The following CAMK4 variants were observed in gnomAD, a reference collection of about 807,000 sequenced individuals.
CAMK4 encodes calcium/calmodulin-dependent protein kinase type IV.
In CAMK4, 22 loss-of-function variants were observed where a neutral mutation model predicts 44.9. That is an observed-to-expected ratio of 0.49 (90% CI 0.35 to 0.70). The LOEUF is 0.70. CAMK4 is among the 30% of genes least tolerant of loss of function. The pLI is 0.01. For missense variants in CAMK4, 498 were observed against 586.8 expected, an observed-to-expected ratio of 0.85 and a Z score of 1.56; for synonymous variants, 218 against 215.4, an observed-to-expected ratio of 1.01 and a Z score of -0.11.
intron 5 of CAMK4, among the ~76,000 whole-genome samples, chr5:111,443,514 A>G (rs1328070506): frequency 1.3e-5 from 2 of 151,578 alleles, no homozygotes; most frequent in Non-Finnish European, 2.9e-5. Context: ...TTGGTAGTGT[A>G]TAGCTCCTCG....
At chr5:111,418,140 G>A (rs564855087) in intron 5 of CAMK4, among the ~76,000 whole-genome samples, 1 of 152,050 alleles carries the variant, frequency 6.6e-6, no homozygotes, top group African/African-American at 2.4e-5. Flanking sequence ...AGAAATAAAG[G>A]GACAGAGTAC....
intron 1 of CAMK4, among the ~76,000 whole-genome samples, chr5:111,309,143 C>A (rs150449650): frequency 9.2e-5 from 14 of 152,300 alleles, no homozygotes; most frequent in East Asian, 3.9e-4. Context: ...TGCTAGCTGA[C>A]GGTCCAGGGC....
intron 1 of CAMK4, among the ~76,000 whole-genome samples, chr5:111,229,608 C>T (rs1203889349): frequency 1.3e-5 from 2 of 152,144 alleles, no homozygotes; most frequent in Non-Finnish European, 2.9e-5. Flanking sequence ...CTTCTTAGAT[C>T]CTTGATTTTT....
rs1010687309 is a variant in CAMK4, at chr5:111,250,515, C to G, written c.161+25871C>G. Among the ~76,000 whole-genome samples, 3 of 152,140 alleles carry G rather than the reference C, an allele frequency of 2.0e-5. 1 individual carries two copies. Among genetic ancestry groups the G allele is most frequent in the Non-Finnish European group, 2.9e-5 (2 of 68,026 alleles). On this transcript the variant is annotated intron_variant, in intron 1 of 10. Coordinates refer to ENST00000282356, the MANE Select transcript of CAMK4 (RefSeq NM_001744.6). ...TGCCTATGGGCTCATTATATGTGGA[C>G]TTTGTATTTCTAGAAGAATGCTGAC... is the stretch of plus-strand genomic sequence containing the variant.
chr5:111,248,955 G>T (rs763649480), intron 1 of CAMK4, among the ~76,000 whole-genome samples: 5 of 150,060 alleles, frequency 3.3e-5, no homozygotes, highest in African/African-American at 9.8e-5. Context: ...ACTTCCTATT[G>T]CGGGGGCGGT....
At chr5:111,232,653 G>A (rs548371101) in intron 1 of CAMK4, among the ~76,000 whole-genome samples, 3 of 152,048 alleles carry the variant, frequency 2.0e-5, no homozygotes, top group Non-Finnish European at 2.9e-5. Context: ...AGAGAAAAAC[G>A]TCAGCTATAG....
chr5:111,435,482 G>C (rs1753613278), intron 5 of CAMK4, among the ~76,000 whole-genome samples: 1 of 152,108 alleles, frequency 6.6e-6, no homozygotes, highest in Non-Finnish European at 1.5e-5. Context: ...CTCTTTGCCT[G>C]AGGATGGAGT....
intron 5 of CAMK4, among the ~76,000 whole-genome samples, chr5:111,429,672 AGG>A (rs1185143386): frequency 6.8e-6 from 1 of 147,182 alleles, no homozygotes; most frequent in Non-Finnish European, 1.5e-5. Context: ...GCTACTCAGG[AGG>A]CTGAGGTGGG....
chr5:111,347,744 T>C (rs1483593364), intron 2 of CAMK4, among the ~76,000 whole-genome samples: 6 of 151,982 alleles, frequency 3.9e-5, no homozygotes, highest in African/African-American at 1.4e-4. Context: ...TATGACCTAA[T>C]CTTAATTAAA....
rs1326777581 is a variant in CAMK4 at position 111,486,273 on chromosome 5, CAGA to C, written c.*1811_*1813del. ...CCTGAAGAAGCACATCATCTGGGCT[CAGA>C]AGATTATTTTTTGTTTTGTTTTATT... On this transcript the variant is annotated 3_prime_UTR_variant, in exon 11 of 11. Coordinates refer to ENST00000282356, the MANE Select transcript of CAMK4 (RefSeq NM_001744.6). 3.9e-5 allele frequency: 6 copies of C among 151,932 alleles called. No homozygotes were observed. The highest frequency in any genetic ancestry group is 8.8e-5 in the Non-Finnish European group (6 of 67,994). 9.4% of individuals were successfully genotyped at this position (151,932 alleles called of 1,614,324 possible). A position where few individuals can be genotyped will look rare whatever the true frequency, so the allele number is the denominator to read the frequency against.
intron 7 of CAMK4, among the ~76,000 whole-genome samples, chr5:111,467,247 C>T (rs1754868876): frequency 6.6e-6 from 1 of 151,580 alleles, no homozygotes; most frequent in African/African-American, 2.4e-5. Context: ...GAAGATAAAT[C>T]AGAAAAACCA....
chr5:111,329,306 A>G (rs394300), intron 1 of CAMK4, among the ~76,000 whole-genome samples: 139,252 of 151,894 alleles, frequency 0.92, 63,937 homozygotes, highest in East Asian at 1. Context: ...CATTCCCTTT[A>G]AAAATGGGCA....
intron 2 of CAMK4, among the ~76,000 whole-genome samples, chr5:111,353,657 C>T (rs1028788417): frequency 2.0e-5 from 3 of 152,014 alleles, no homozygotes; most frequent in African/African-American, 7.2e-5. Flanking sequence ...AGTAAAGTTT[C>T]AGAATATATA....
chr5:111,332,493 G>T (rs1220854056), intron 1 of CAMK4, among the ~76,000 whole-genome samples: 1 of 151,222 alleles, frequency 6.6e-6, no homozygotes, highest in Admixed American at 6.6e-5. Context: ...TGGACATTTG[G>T]GTTGGTTCCA....
chr5:111,342,105 GT>G (rs994683747), intron 1 of CAMK4, among the ~76,000 whole-genome samples: 1 of 150,618 alleles, frequency 6.6e-6, no homozygotes, highest in South Asian at 2.1e-4. Context: ...TTGGTGGAGA[GT>G]TTTTTTTTCT....
chr5:111,484,122 T>C lies in CAMK4; in HGVS notation c.1078T>C (p.Ser360Pro). 8 of 1,613,952 alleles carry C rather than the reference T, an allele frequency of 5.0e-6. No individual in the cohort carries two copies. The highest frequency in any genetic ancestry group is 6.8e-6 in the Non-Finnish European group (8 of 1,180,002). ...GAGCCACAAGGCTAGCCGAGACCCT[T>C]CTCCAATCCAAGATGGCAACGAGGA... Reference protein sequence around the residue: ...QESHKASRDPSPIQDGNEDMK... With the variant: ...QESHKASRDPPPIQDGNEDMK... The change falls in exon 11 of 11, where the codon TCT becomes CCT. Residue 360 changes from serine (S) to proline (P), a missense_variant. Transcript: ENST00000282356. This position sits in a 1 kb window ranked among gnomAD's most constrained non-coding sequence, Gnocchi z 5.3.
chr5:111,451,172 T>C (rs927095952), intron 7 of CAMK4, among the ~76,000 whole-genome samples: 1 of 152,210 alleles, frequency 6.6e-6, no homozygotes, highest in South Asian at 2.1e-4. Flanking sequence ...CCACATCTAG[T>C]TGTTAGTGGC....
In CAMK4 at chr5:111,473,397, A is replaced by G. The variant is rs746856638; in HGVS notation, c.701+11A>G. On this transcript the variant is annotated intron_variant, in intron 8 of 10. Coordinates refer to ENST00000282356, the MANE Select transcript of CAMK4 (RefSeq NM_001744.6). The stretch of plus-strand genomic sequence containing the variant: ...AATCACCTACATCTTGTAAGTGAAG[A>G]AAAGCAATATTTATGTAAACTATTT... The G allele has an allele frequency of 6.5e-7, 1 of 1,549,424 alleles. No homozygotes were observed. Among genetic ancestry groups the G allele is most frequent in the Non-Finnish European group, 8.9e-7 (1 of 1,122,066 alleles).
chr5:111,244,263 G>T (rs916161567), intron 1 of CAMK4, among the ~76,000 whole-genome samples: 4 of 152,064 alleles, frequency 2.6e-5, no homozygotes, highest in African/African-American at 9.7e-5. Flanking sequence ...TGTATGTTTT[G>T]CTTACTATTT....
Sources: gnomAD v4.1 joint callset for allele counts (sites outside exome capture counted in the v4.1 genomes callset) on GRCh38, gnomAD v4.1.1 for gene constraint, Gnocchi (gnomAD v3.1) non-coding constraint, MANE v1.5 for transcripts, NCBI Gene and HGNC (gene_info 2026-07-23, HGNC 2026-07-21) for gene names.